The following ATRNL1 variants were observed in gnomAD, a reference collection of about 807,000 sequenced individuals.
ATRNL1 encodes the protein attractin-like protein 1.
A neutral mutation model predicts 182.7 loss-of-function variants in ATRNL1; 95 were observed. The observed-to-expected ratio is 0.52, with a 90% CI of 0.44 to 0.62. ATRNL1 has a LOEUF of 0.62. Among genes scored for constraint, ATRNL1 ranks in the 20% least tolerant of loss-of-function variants. The probability of loss-of-function intolerance (pLI) is 0.00; values close to 1 mark genes in which losing one functional copy is unlikely to be tolerated. For synonymous variants in ATRNL1, 576 were observed against 568.3 expected (o/e 1.01, Z -0.19); for missense variants, 1,471 against 1,679.5 (o/e 0.88, Z 2.17).
At chr10:115,399,221 T>C (rs1554956327) in intron 20 of ATRNL1, among the ~76,000 whole-genome samples, 1 of 151,972 alleles carries the variant, frequency 6.6e-6, no homozygotes, top group Non-Finnish European at 1.5e-5. Context: ...GCCTCATAGA[T>C]TGAGTTAGGG....
chr10:115,786,107 A>G (rs1317172657), intron 27 of ATRNL1, among the ~76,000 whole-genome samples: 2 of 152,146 alleles, frequency 1.3e-5, no homozygotes, highest in Non-Finnish European at 1.5e-5. Flanking sequence ...TTGAACCCTC[A>G]CCAAAATCAC....
intron 10 of ATRNL1, among the ~76,000 whole-genome samples, chr10:115,262,576 G>C (rs1554909084): frequency 6.6e-6 from 1 of 151,752 alleles, no homozygotes. Flanking sequence ...GTAAAACAAG[G>C]TTTCATAAAC....
chr10:115,638,325 A>G (rs1302591129), intron 26 of ATRNL1, among the ~76,000 whole-genome samples: 1 of 152,214 alleles, frequency 6.6e-6, no homozygotes, highest in African/African-American at 2.4e-5. Context: ...AATATACTCC[A>G]TGATGTTCTC....
intron 17 of ATRNL1, among the ~76,000 whole-genome samples, chr10:115,314,924 GT>G (rs1854219376): frequency 6.6e-6 from 1 of 152,174 alleles, no homozygotes; most frequent in African/African-American, 2.4e-5. Context: ...CTGAAGGAGA[GT>G]ACCAGGTTTT....
chr10:115,319,833 G>A (rs1330441687), intron 18 of ATRNL1, among the ~76,000 whole-genome samples: 7 of 151,744 alleles, frequency 4.6e-5, no homozygotes, highest in Non-Finnish European at 1.0e-4. Flanking sequence ...GATTGGTCTT[G>A]ACTCTTTATC....
At chr10:115,848,041 A>G in intron 28 of ATRNL1, 50 bp downstream of exon 28, 1 of 1,004,242 alleles carries the variant, frequency 1.0e-6, no homozygotes. Context: ...TGTAGACTGA[A>G]CAGAAGAAAT....
intron 15 of ATRNL1, among the ~76,000 whole-genome samples, chr10:115,288,625 A>G (rs1554919892): frequency 6.6e-6 from 1 of 151,582 alleles, no homozygotes; most frequent in Non-Finnish European, 1.5e-5. Context: ...GGGCTCAAGC[A>G]ATTCTTCCGC....
rs1225262722 is a variant in ATRNL1, at chr10:115,531,745, G to A, written c.3716+12421G>A. ...TGGTAAAGCCTAGGTTTTCTTCTAGGGTTTTTATGGTTTTAGGTCTAACGT... is the reference window on the plus strand; with the variant it reads ...TGGTAAAGCCTAGGTTTTCTTCTAGAGTTTTTATGGTTTTAGGTCTAACGT... On this transcript the variant is annotated intron_variant, in intron 25 of 28. Coordinates refer to ENST00000355044, the MANE Select transcript of ATRNL1 (RefSeq NM_207303.4). Among the ~76,000 whole-genome samples, 154 of 150,412 alleles carry A rather than the reference G, an allele frequency of 1.0e-3. 1 individual carries two copies. Among genetic ancestry groups the A allele is most frequent in the South Asian group, 8.2e-3 (38 of 4,640 alleles).
intron 24 of ATRNL1, among the ~76,000 whole-genome samples, chr10:115,509,370 C>G (rs1565116371): frequency 5.3e-5 from 8 of 152,014 alleles, no homozygotes; most frequent in African/African-American, 1.7e-4. Context: ...GTTGTAATCC[C>G]CAGTGTTGGA....
At chr10:115,421,725 C>T (rs1845659073) in intron 20 of ATRNL1, among the ~76,000 whole-genome samples, 1 of 152,016 alleles carries the variant, frequency 6.6e-6, no homozygotes, top group Non-Finnish European at 1.5e-5. Context: ...CAAAAAAGAG[C>T]TCGAGTAGCC....
chr10:115,261,357 A>G (rs1359245804), intron 10 of ATRNL1, among the ~76,000 whole-genome samples: 2 of 152,198 alleles, frequency 1.3e-5, no homozygotes, highest in Admixed American at 6.5e-5. Context: ...CTATTGAAGT[A>G]TGAGATTAAA....
At chr10:115,193,027 ATTTC>A (rs1425091046) in intron 8 of ATRNL1, among the ~76,000 whole-genome samples, 4 of 151,838 alleles carry the variant, frequency 2.6e-5, no homozygotes, top group South Asian at 2.1e-4. Flanking sequence ...GAAAAACTTG[ATTTC>A]TTTCTTTCTA....
intron 28 of ATRNL1, among the ~76,000 whole-genome samples, chr10:115,891,851 T>A (rs1218902560): frequency 1.3e-5 from 2 of 152,226 alleles, no homozygotes; most frequent in Non-Finnish European, 2.9e-5. Flanking sequence ...TTTTGTTGCA[T>A]TTATCCAACA....
At chr10:115,106,744 C>T (rs1336727810) in intron 1 of ATRNL1, among the ~76,000 whole-genome samples, 1 of 152,178 alleles carries the variant, frequency 6.6e-6, no homozygotes, top group Non-Finnish European at 1.5e-5. Context: ...TCACCTCCCA[C>T]CATGATTCTG....
chr10:115,681,594 T>C (rs1946048087), intron 26 of ATRNL1, among the ~76,000 whole-genome samples: 1 of 152,102 alleles, frequency 6.6e-6, no homozygotes, highest in African/African-American at 2.4e-5. Flanking sequence ...TTTTATTAGA[T>C]CATCAAATTG....
intron 26 of ATRNL1, among the ~76,000 whole-genome samples, chr10:115,625,648 G>C (rs1295057417): frequency 1.3e-5 from 2 of 151,962 alleles, no homozygotes; most frequent in Admixed American, 6.6e-5. Flanking sequence ...GAAAAATGAG[G>C]GTTCAAAGAA....
At chr10:115,757,121 G>A (rs550992770) in intron 27 of ATRNL1, among the ~76,000 whole-genome samples, 2 of 152,122 alleles carry the variant, frequency 1.3e-5, no homozygotes, top group Non-Finnish European at 2.9e-5. Context: ...CAATTTGCCA[G>A]TCTGTGTCTT....
chr10:115,450,084 G>T (rs1014818786), intron 21 of ATRNL1, among the ~76,000 whole-genome samples: 20 of 151,852 alleles, frequency 1.3e-4, no homozygotes, highest in Admixed American at 3.9e-4. Context: ...TGCAGAAAAG[G>T]CTTTCTATAA....
At chr10:115,882,085 A>T (rs1309246824) in intron 28 of ATRNL1, among the ~76,000 whole-genome samples, 1 of 152,132 alleles carries the variant, frequency 6.6e-6, no homozygotes, top group Non-Finnish European at 1.5e-5. Context: ...CCCATCTCCA[A>T]CACCATCAGA....
Sources: allele counts gnomAD v4.1 joint callset (sites outside exome capture counted in the v4.1 genomes callset), GRCh38; gene constraint gnomAD v4.1.1; transcripts MANE v1.5; gene names NCBI Gene and HGNC (gene_info 2026-07-23, HGNC 2026-07-21).